The following RFX2 variants were observed in gnomAD, a reference collection of about 807,000 sequenced individuals.
The protein encoded by RFX2 is regulatory factor X2.
A neutral mutation model predicts 87.8 loss-of-function variants in RFX2; 20 were observed. The ratio of observed to expected loss-of-function variants is 0.23; its 90% confidence interval spans 0.16 to 0.33. RFX2 has a LOEUF of 0.33. Ranked by LOEUF, RFX2 falls within the 10% of genes least tolerant of loss-of-function variation. RFX2 has a pLI of 1.00. For missense variants in RFX2, 767 were observed against 1,012.3 expected (o/e 0.76, Z 3.29); for synonymous variants, 397 against 431.3 (o/e 0.92, Z 0.98).
At position 6,064,114 on chromosome 19, in the gene RFX2, G is replaced by A. The variant is rs569026614; in HGVS notation, c.-8-16610C>T. 6.6e-5 allele frequency among the ~76,000 whole-genome samples: 10 copies of A among 152,246 alleles called. No homozygotes were observed. Among genetic ancestry groups the A allele is most frequent in the East Asian group, 1.9e-4 (1 of 5,182 alleles). ...CCCTCACCCCAACCCCAGACCCTAC[G>A]TAGCACATTGCCTGCAAAGATGCTC... On this transcript the variant is annotated intron_variant, in intron 1 of 17. Transcript: ENST00000303657. The surrounding 1 kb of genome is among the most constrained non-coding windows in gnomAD (Gnocchi z 4.8).
At position 6,001,243 on chromosome 19, in the gene RFX2, G is replaced by A. The variant is rs2086486173; in HGVS notation, c.1859+572C>T. 6.6e-6 allele frequency among the ~76,000 whole-genome samples: 1 copy of A among 152,120 alleles called. No individual in the cohort carries two copies. Among genetic ancestry groups the A allele is most frequent in the Non-Finnish European group, 1.5e-5 (1 of 68,026 alleles). On this transcript the variant is annotated intron_variant, in intron 15 of 17. Transcript: ENST00000303657. This position sits in a 1 kb window ranked among gnomAD's most constrained non-coding sequence, Gnocchi z 5.6. Reference sequence around the variant, plus strand: ...TCGATATTTCACCAGGAGCCTCCTTGTGCCCTTCAGTTCTGAGATAGCTTT... The same window carrying A: ...TCGATATTTCACCAGGAGCCTCCTTATGCCCTTCAGTTCTGAGATAGCTTT...
intron 1 of RFX2, among the ~76,000 whole-genome samples, chr19:6,102,937 G>C (rs907314473): frequency 6.6e-6 from 1 of 152,118 alleles, no homozygotes; most frequent in Admixed American, 6.5e-5. Context: ...CTGCACTCCA[G>C]CCTGGACAAG....
intron 1 of RFX2, among the ~76,000 whole-genome samples, chr19:6,077,325 A>C (rs1399755023): frequency 6.6e-6 from 1 of 152,226 alleles, no homozygotes; most frequent in Non-Finnish European, 1.5e-5. Context: ...CAAGGGCACC[A>C]GGGTTAGCCA....
chr19:6,053,449 T>C (rs529101104), intron 1 of RFX2, among the ~76,000 whole-genome samples: 3 of 152,334 alleles, frequency 2.0e-5, no homozygotes, highest in South Asian at 2.1e-4. Flanking sequence ...AACCATAGAA[T>C]GTACAACACC....
chr19:6,099,299 C>T (rs2088079019), intron 1 of RFX2, among the ~76,000 whole-genome samples: 1 of 152,126 alleles, frequency 6.6e-6, no homozygotes, highest in Non-Finnish European at 1.5e-5. Context: ...TGTTATAAAA[C>T]CCCTCCCCGC....
At chr19:6,072,712 A>G in intron 1 of RFX2, 1 of 415,050 alleles carries the variant, frequency 2.4e-6, no homozygotes, top group Non-Finnish European at 4.5e-6. Context: ...CTCTCAAAAA[A>G]GAAACATGAA....
intron 1 of RFX2, among the ~76,000 whole-genome samples, chr19:6,108,492 G>C (rs2088255713): frequency 6.6e-6 from 1 of 152,106 alleles, no homozygotes; most frequent in African/African-American, 2.4e-5. Flanking sequence ...AGTCTTTGTT[G>C]TTTTGTGTCA....
intron 1 of RFX2, among the ~76,000 whole-genome samples, chr19:6,057,440 C>A (rs993625548): frequency 6.6e-6 from 1 of 152,226 alleles, no homozygotes; most frequent in African/African-American, 2.4e-5. Context: ...CTCACTGCGA[C>A]CTTAAGCAAT....
intron 1 of RFX2, among the ~76,000 whole-genome samples, chr19:6,065,873 G>T (rs537921988): frequency 7.2e-5 from 11 of 152,130 alleles, no homozygotes; most frequent in Non-Finnish European, 1.5e-4. Flanking sequence ...CGGCACTTTT[G>T]CGGCTGTTGC....
At chr19:6,086,091 C>CAAAAAA (rs11340459) in intron 1 of RFX2, among the ~76,000 whole-genome samples, 1 of 59,460 alleles carries the variant, frequency 1.7e-5, no homozygotes, top group Admixed American at 2.2e-4. Context: ...GATCCTGTCT[C>CAAAAAA]AAAAAAAAAA....
rs1418085524 is a variant in RFX2 at position 6,013,501 on chromosome 19, T to G, written c.780-396A>C. On this transcript the variant is annotated intron_variant, in intron 7 of 17. Coordinates refer to ENST00000303657, the MANE Select transcript of RFX2 (RefSeq NM_000635.4). This position sits in a 1 kb window ranked among gnomAD's most constrained non-coding sequence, Gnocchi z 4.1. ...GCGCCTGGCCTCTTCTCTCTTTTTTTTTTTTTTCAGAAACAGGGTCTCACT... is the reference window on the plus strand; with the variant it reads ...GCGCCTGGCCTCTTCTCTCTTTTTTGTTTTTTTCAGAAACAGGGTCTCACT... 6.6e-6 allele frequency among the ~76,000 whole-genome samples: 1 copy of G among 151,502 alleles called. No homozygotes were observed. Among genetic ancestry groups the G allele is most frequent in the Non-Finnish European group, 1.5e-5 (1 of 67,860 alleles).
rs775981058 is a variant in RFX2 at position 6,047,559 on chromosome 19, G to C, written c.-8-55C>G. The stretch of plus-strand genomic sequence containing the variant: ...GCAAGGGCTGCAAGCACTGAAATCC[G>C]AAGAGGCAACTAACAAGTTCAAGGG... On this transcript the variant is annotated intron_variant, in intron 1 of 17. Coordinates refer to ENST00000303657, the MANE Select transcript of RFX2 (RefSeq NM_000635.4). This position sits in a 1 kb window ranked among gnomAD's most constrained non-coding sequence, Gnocchi z 4.2. 1.6e-5 allele frequency: 23 copies of C among 1,413,794 alleles called. No homozygotes were observed. The East Asian group carries it at 5.4e-4, about 33-fold the overall frequency. 87.6% of individuals were successfully genotyped at this position (1,413,794 alleles called of 1,614,324 possible).
rs571624332 is a variant in RFX2, at chr19:6,045,962, C to T, written c.90+1445G>A. ...TTGGCCTCCCAAAGTGCTGGGATTACAGGCATGTGCCACCATGCCTGGCCC... is the reference window on the plus strand; with the variant it reads ...TTGGCCTCCCAAAGTGCTGGGATTATAGGCATGTGCCACCATGCCTGGCCC... On this transcript the variant is annotated intron_variant, in intron 2 of 17. Coordinates refer to ENST00000303657, the MANE Select transcript of RFX2 (RefSeq NM_000635.4). The surrounding 1 kb of genome is among the most constrained non-coding windows in gnomAD (Gnocchi z 5.2). 3.1e-4 allele frequency among the ~76,000 whole-genome samples: 47 copies of T among 152,292 alleles called. No individual in the cohort carries two copies. The highest frequency in any genetic ancestry group is 4.9e-4 in the Non-Finnish European group (33 of 68,018).
rs1320026535 is a variant in RFX2 at position 6,039,985 on chromosome 19, C to T, written c.517G>A (p.Ala173Thr). The change falls in exon 5 of 18, where the codon GCC (alanine) becomes ACC (threonine). Residue 173 changes from alanine (A) to threonine (T), a missense_variant. Physicochemically the swap from Ala to Thr is moderately conservative, Grantham distance 58. Around this residue, in one of 2 missense-constraint regions of RFX2, gnomAD observed 621 missense variants for 873.0 expected, o/e 0.71. Coordinates refer to ENST00000303657, the MANE Select transcript of RFX2 (RefSeq NM_000635.4). This position sits in a 1 kb window ranked among gnomAD's most constrained non-coding sequence, Gnocchi z 5.2. ...CCCAAGAGCCTCCTACATACCGTGG[C>T]GGGCGATGAGCGGGAGGTGTGGGCC... ...SLAHTSRSSPATLEMAIENLQ... is the reference protein window; with the variant it reads ...SLAHTSRSSPTTLEMAIENLQ... 9.5e-6 allele frequency: 15 copies of T among 1,574,030 alleles called. No individual in the cohort carries two copies. Among genetic ancestry groups the T allele is most frequent in the East Asian group, 4.7e-5 (2 of 42,906 alleles).
At chr19:6,058,936 C>A (rs1182591586) in intron 1 of RFX2, among the ~76,000 whole-genome samples, 1 of 152,102 alleles carries the variant, frequency 6.6e-6, no homozygotes, top group African/African-American at 2.4e-5. Context: ...AGCCAGGGAC[C>A]CCCGTCTTAA....
chr19:6,074,722 G>T lies in RFX2; in HGVS notation c.-8-27218C>A, dbSNP rs1465226054. Among the ~76,000 whole-genome samples, 1 of 152,196 alleles carries T rather than the reference G, an allele frequency of 6.6e-6. No individual in the cohort carries two copies. Among genetic ancestry groups the T allele is most frequent in the Non-Finnish European group, 1.5e-5 (1 of 68,032 alleles). On this transcript the variant is annotated intron_variant, in intron 1 of 17. Coordinates refer to ENST00000303657, the MANE Select transcript of RFX2 (RefSeq NM_000635.4). The surrounding 1 kb of genome is among the most constrained non-coding windows in gnomAD (Gnocchi z 5.2). ...CGGCATGGGCCAGGGGCAACAAGGT[G>T]ACCTGGGGCAGTGACAGGACAGAGG...
intron 1 of RFX2, among the ~76,000 whole-genome samples, chr19:6,051,483 T>C (rs904577031): frequency 1.1e-4 from 17 of 152,272 alleles, no homozygotes; most frequent in Middle Eastern, 3.4e-3. Context: ...ACAATGCACA[T>C]TGTAACCTCT....
rs575076655 is a variant in RFX2 at position 6,108,355 on chromosome 19, C to T, written c.-9+2038G>A. Among the ~76,000 whole-genome samples the T allele has an allele frequency of 7.9e-5, 12 of 152,258 alleles. 1 individual carries two copies. Among genetic ancestry groups the T allele is most frequent in the South Asian group, 2.1e-4 (1 of 4,824 alleles). On this transcript the variant is annotated intron_variant, in intron 1 of 17. Transcript: ENST00000303657. ...ACTAGAGCAGGAGAAAGCACAGATGCCCCCCTCCTCCTTATCCAGAAGGAC... is the reference window on the plus strand; with the variant it reads ...ACTAGAGCAGGAGAAAGCACAGATGTCCCCCTCCTCCTTATCCAGAAGGAC...
rs72991063 is a variant in RFX2, at chr19:6,072,550, T to A, written c.-8-25046A>T. The stretch of plus-strand genomic sequence containing the variant: ...AGACCTCGTCTCTAGAGAAAAAAAA[T>A]TAAAAATTATTCGGGTAAGGTGGGT... On this transcript the variant is annotated intron_variant, in intron 1 of 17. Coordinates refer to ENST00000303657, the MANE Select transcript of RFX2 (RefSeq NM_000635.4). Among the ~76,000 whole-genome samples, 1,511 of 151,320 alleles carry A rather than the reference T, an allele frequency of 1.0e-2. 6 individuals carry two copies. Among genetic ancestry groups the A allele is most frequent in the Non-Finnish European group, 0.016 (1,084 of 67,856 alleles).
Sources: gnomAD v4.1 joint callset for allele counts (sites outside exome capture counted in the v4.1 genomes callset) on GRCh38, gnomAD v4.1.1 for gene constraint, gnomAD v4.1.1 regional missense constraint, Gnocchi (gnomAD v3.1) non-coding constraint, MANE v1.5 for transcripts, NCBI Gene and HGNC (gene_info 2026-07-23, HGNC 2026-07-21) for gene names.